Variants in KIAA1549L observed in about 807,000 individuals in gnomAD.
KIAA1549L encodes the protein UPF0606 protein KIAA1549L.
A neutral mutation model predicts 160.7 loss-of-function variants in KIAA1549L; 88 were observed. The observed-to-expected ratio is 0.55, with a 90% CI of 0.46 to 0.65. The LOEUF (loss-of-function observed/expected upper bound fraction) is 0.65. KIAA1549L is among the 30% of genes least tolerant of loss of function. The pLI is 0.00. For missense variants in KIAA1549L, 2,258 were observed against 2,437.5 expected, an observed-to-expected ratio of 0.93 and a Z score of 1.55; for synonymous variants, 950 against 976.7, an observed-to-expected ratio of 0.97 and a Z score of 0.51.
chr11:33,624,783 GT>G (rs1851054129), intron 16 of KIAA1549L, among the ~76,000 whole-genome samples: 1 of 140,482 alleles, frequency 7.1e-6, no homozygotes, highest in South Asian at 2.2e-4. Flanking sequence ...TATACTTTAA[GT>G]TTTAGGGTAC....
In KIAA1549L at chr11:33,562,494, C is replaced by T. The variant is rs554055033; in HGVS notation, c.4078+759C>T. Reference sequence around the variant, plus strand: ...AATCCTGGAGACTAGAAGTCTAAAGCCAAGGTGTTACAGGATTGGCTTCTT... The same window carrying T: ...AATCCTGGAGACTAGAAGTCTAAAGTCAAGGTGTTACAGGATTGGCTTCTT... On this transcript the variant is annotated intron_variant, in intron 8 of 20. Transcript: ENST00000658780. Among the ~76,000 whole-genome samples, 3 of 152,204 alleles carry T rather than the reference C, an allele frequency of 2.0e-5. No homozygotes were observed. The East Asian group carries it at 5.8e-4, about 29-fold the overall frequency.
At chr11:33,631,235 A>T (rs1477486807) in intron 16 of KIAA1549L, among the ~76,000 whole-genome samples, 1 of 152,198 alleles carries the variant, frequency 6.6e-6, no homozygotes, top group Non-Finnish European at 1.5e-5. Flanking sequence ...CCAGCTCAGC[A>T]CTTTTCTGCT....
intron 1 of KIAA1549L, among the ~76,000 whole-genome samples, chr11:33,450,477 T>C (rs1851697229): frequency 6.6e-6 from 1 of 152,094 alleles, no homozygotes; most frequent in Admixed American, 6.6e-5. Flanking sequence ...AGAGAATCAC[T>C]TGAGGCTGGG....
At chr11:33,654,426 T>C (rs1851992921) in intron 17 of KIAA1549L, among the ~76,000 whole-genome samples, 1 of 152,266 alleles carries the variant, frequency 6.6e-6, no homozygotes, top group Non-Finnish European at 1.5e-5. Flanking sequence ...TCTTAGATCA[T>C]GAGCTCCACT....
intron 1 of KIAA1549L, among the ~76,000 whole-genome samples, chr11:33,415,982 G>C (rs1051155871): frequency 5.9e-5 from 9 of 151,938 alleles, no homozygotes. Flanking sequence ...GGCTGCAGTG[G>C]GATGTAATCA....
intron 1 of KIAA1549L, among the ~76,000 whole-genome samples, chr11:33,523,908 CAT>C (rs1437340904): frequency 1.3e-5 from 2 of 152,044 alleles, no homozygotes; most frequent in Admixed American, 1.3e-4. Context: ...TTGGCTGCAT[CAT>C]ATTTATTTAT....
At chr11:33,495,255 T>C (rs1266551789) in intron 1 of KIAA1549L, among the ~76,000 whole-genome samples, 3 of 152,018 alleles carry the variant, frequency 2.0e-5, no homozygotes, top group Admixed American at 6.6e-5. Flanking sequence ...TAGATATATC[T>C]CCCAATGCTA....
intron 1 of KIAA1549L, among the ~76,000 whole-genome samples, chr11:33,430,053 TC>T (rs1590238154): frequency 1.0e-3 from 119 of 113,480 alleles, no homozygotes; most frequent in Middle Eastern, 5.4e-3. Flanking sequence ...CTTCCTCCCT[TC>T]CCTCTCTCCT....
intron 16 of KIAA1549L, among the ~76,000 whole-genome samples, chr11:33,628,943 T>C (rs926091264): frequency 2.0e-5 from 3 of 151,822 alleles, no homozygotes; most frequent in African/African-American, 7.3e-5. Flanking sequence ...CTTTCCATGT[T>C]TAGCGCTTCC....
At chr11:33,441,944 T>G (rs1157096032) in intron 1 of KIAA1549L, among the ~76,000 whole-genome samples, 4 of 152,326 alleles carry the variant, frequency 2.6e-5, no homozygotes, top group East Asian at 1.9e-4. Context: ...GTTTGTCAAT[T>G]TTGGCTTTTG....
At chr11:33,577,956 C>G (rs900322136) in intron 10 of KIAA1549L, among the ~76,000 whole-genome samples, 1 of 151,566 alleles carries the variant, frequency 6.6e-6, no homozygotes. Flanking sequence ...CCTGTCAGTT[C>G]CATGACAGTT....
intron 1 of KIAA1549L, among the ~76,000 whole-genome samples, chr11:33,501,893 G>T (rs1411648171): frequency 2.0e-5 from 3 of 152,148 alleles, no homozygotes; most frequent in Non-Finnish European, 2.9e-5. Flanking sequence ...TAAGTCAGTG[G>T]TAGAGCTGAG....
intron 1 of KIAA1549L, among the ~76,000 whole-genome samples, chr11:33,397,706 C>T (rs1850408597): frequency 1.8e-5 from 2 of 113,670 alleles, no homozygotes; most frequent in Non-Finnish European, 1.8e-5. Context: ...AGCGAGACTC[C>T]ATCTCACACA....
Position 33,543,802 on chromosome 11 carries a change from T to A in KIAA1549L, c.2239T>A (p.Leu747Ile). ...AGCTCCAACAGCTCCTCCCAATGGT[T>A]TAACTTCAGCTGCCGATGCCATAAA... is the stretch of plus-strand genomic sequence containing the variant. The part of the protein sequence containing the change: ...HLAPTAPPNG[L>I]TSAADAIKSQ... The change falls in exon 2 of 21, where the codon TTA becomes ATA. Residue 747 changes from leucine to isoleucine, a missense_variant. Leu to Ile is a conservative substitution (Grantham distance 5). Coordinates refer to ENST00000658780, the MANE Select transcript of KIAA1549L (RefSeq NM_012194.3). 6.2e-7 allele frequency: 1 copy of A among 1,614,040 alleles called. No homozygotes were observed. The highest frequency in any genetic ancestry group is 8.5e-7 in the Non-Finnish European group (1 of 1,179,888).
chr11:33,639,343 T>C (rs1416620309), intron 16 of KIAA1549L, among the ~76,000 whole-genome samples: 1 of 152,158 alleles, frequency 6.6e-6, no homozygotes, highest in Non-Finnish European at 1.5e-5. Flanking sequence ...ATGGCCACCA[T>C]GAAGCGCAAG....
intron 16 of KIAA1549L, among the ~76,000 whole-genome samples, chr11:33,632,721 A>G (rs1332925397): frequency 2.6e-5 from 4 of 151,520 alleles, no homozygotes; most frequent in African/African-American, 9.7e-5. Context: ...TAGAACTACT[A>G]CTACCATACC....
chr11:33,434,327 A>C (rs1851312956), intron 1 of KIAA1549L, among the ~76,000 whole-genome samples: 1 of 152,150 alleles, frequency 6.6e-6, no homozygotes, highest in Admixed American at 6.5e-5. Context: ...GTAAGATGTG[A>C]CTTTGCTCCT....
At chr11:33,567,496 G>A (rs1246710617) in intron 8 of KIAA1549L, among the ~76,000 whole-genome samples, 1 of 152,166 alleles carries the variant, frequency 6.6e-6, no homozygotes, top group East Asian at 1.9e-4. Flanking sequence ...TTTAGGGTGG[G>A]CATTCAAAGG....
At chr11:33,502,765 T>G (rs1852981678) in intron 1 of KIAA1549L, among the ~76,000 whole-genome samples, 1 of 152,232 alleles carries the variant, frequency 6.6e-6, no homozygotes, top group Non-Finnish European at 1.5e-5. Flanking sequence ...AGACCTCAGA[T>G]CCACCACTTG....
Sources: allele counts gnomAD v4.1 joint callset (sites outside exome capture counted in the v4.1 genomes callset), GRCh38; gene constraint gnomAD v4.1.1; transcripts MANE v1.5; gene names NCBI Gene and HGNC (gene_info 2026-07-23, HGNC 2026-07-21).